Variants in COL5A1 observed in about 807,000 individuals in gnomAD.
COL5A1 encodes collagen alpha-1(V) chain.
A neutral mutation model predicts 263.7 loss-of-function variants in COL5A1; 16 were observed. That is an observed-to-expected ratio of 0.06 (90% CI 0.04 to 0.09). The LOEUF (loss-of-function observed/expected upper bound fraction) is 0.09, where lower values mean the gene tolerates loss of function less well. Ranked by LOEUF, COL5A1 falls within the 10% of genes least tolerant of loss-of-function variation. The pLI is 1.00. For missense variants in COL5A1, 2,036 were observed against 2,540.5 expected, an observed-to-expected ratio of 0.80 and a Z score of 4.27; for synonymous variants, 1,012 against 1,004.5, an observed-to-expected ratio of 1.01 and a Z score of -0.14.
chr9:134,760,528 CCA>C (rs748693467), intron 18 of COL5A1, among the ~76,000 whole-genome samples: 1 of 131,112 alleles, frequency 7.6e-6, no homozygotes. Flanking sequence ...CCACACACCC[CCA>C]CACTCATACA....
At chr9:134,658,346 T>G (rs1467882616) in intron 1 of COL5A1, among the ~76,000 whole-genome samples, 1 of 152,180 alleles carries the variant, frequency 6.6e-6, no homozygotes, top group Non-Finnish European at 1.5e-5. Context: ...AGCTCCGAAG[T>G]GCAGACACCC....
At chr9:134,753,105 G>A (rs189961049) in intron 14 of COL5A1, among the ~76,000 whole-genome samples, 47 of 132,934 alleles carry the variant, frequency 3.5e-4, no homozygotes, top group African/African-American at 7.7e-4. Context: ...GAAGTCCCTC[G>A]CACAGGCTGT....
At position 134,821,082 on chromosome 9, in the gene COL5A1, G is replaced by A. The variant is rs1331128157; in HGVS notation, c.4554+859G>A. On this transcript the variant is annotated intron_variant, in intron 58 of 65. Coordinates refer to ENST00000371817, the MANE Select transcript of COL5A1 (RefSeq NM_000093.5). The surrounding 1 kb of genome is among the most constrained non-coding windows in gnomAD (Gnocchi z 4.2). ...ATTGCAAACCCTACCTCACTGGCCA[G>A]TGTCCTCCATGCCATTGACTGTTTT... Among the ~76,000 whole-genome samples the A allele has an allele frequency of 6.6e-6, 1 of 152,168 alleles. No individual in the cohort carries two copies. The highest frequency in any genetic ancestry group is 2.4e-5 in the African/African-American group (1 of 41,444).
rs1009531318 is a variant in COL5A1, at chr9:134,742,256, G to C, written c.1494+3448G>C. Among the ~76,000 whole-genome samples, 3 of 150,256 alleles carry C rather than the reference G, an allele frequency of 2.0e-5. No homozygotes were observed. Among genetic ancestry groups the C allele is most frequent in the Non-Finnish European group, 4.4e-5 (3 of 67,478 alleles). On this transcript the variant is annotated intron_variant, in intron 11 of 65. Coordinates refer to ENST00000371817, the MANE Select transcript of COL5A1 (RefSeq NM_000093.5). The surrounding 1 kb of genome is among the most constrained non-coding windows in gnomAD (Gnocchi z 4.6). ...TGCCCACGGCTGCCCGCAGGGAGCAGAGTGCAAGGAGAGGCACAGAAGTGG... is the reference window on the plus strand; with the variant it reads ...TGCCCACGGCTGCCCGCAGGGAGCACAGTGCAAGGAGAGGCACAGAAGTGG...
intron 63 of COL5A1, among the ~76,000 whole-genome samples, chr9:134,827,153 C>T (rs546503403): frequency 3.4e-4 from 52 of 152,228 alleles, no homozygotes; most frequent in Non-Finnish European, 6.0e-4. Context: ...CCCCTGCAGC[C>T]TCTGCTTCCT....
chr9:134,814,084 G>A, intron 49 of COL5A1, 48 bp downstream of exon 49: 3 of 1,535,852 alleles, frequency 2.0e-6, no homozygotes, highest in Non-Finnish European at 2.6e-6. Context: ...CCGAGCGGGT[G>A]TGTGGACGGG....
chr9:134,699,940 A>G lies in COL5A1; in HGVS notation c.309A>G (p.Leu103=), dbSNP rs1298546896. The part of the protein sequence containing the change: ...ASAFPEDFSI[L]TTVKAKKGSQ... ...CATTTCCCGAGGACTTCTCCATCCT[A>G]ACAACTGTGAAAGCCAAGAAAGGCA... The change falls in exon 3 of 66, where the codon CTA becomes CTG. Residue 103 remains leucine, a synonymous_variant. Transcript: ENST00000371817. The G allele has an allele frequency of 6.2e-7, 1 of 1,613,950 alleles. No homozygotes were observed. The highest frequency in any genetic ancestry group is 1.3e-5 in the African/African-American group (1 of 75,044).
intron 31 of COL5A1, 98 bp downstream of exon 31, chr9:134,786,146 G>A (rs1837451256): frequency 3.5e-6 from 4 of 1,145,494 alleles, no homozygotes; most frequent in East Asian, 2.6e-5. Flanking sequence ...TCCCGGCACA[G>A]GTGGAAGGAT....
rs1838644220 is a variant in COL5A1, at chr9:134,814,036, G to C, written c.3906G>C (p.Pro1302=). ...EPGLPGEGGP[P]GPKGERGEKG... Reference sequence around the variant, plus strand: ...GCCTTCCGGGAGAAGGCGGCCCCCCGGTGAGTGAGCGGGCGCTGCGGGAGG... The same window carrying C: ...GCCTTCCGGGAGAAGGCGGCCCCCCCGTGAGTGAGCGGGCGCTGCGGGAGG... Residue 1302 remains proline, a splice_region_variant and synonymous_variant, in exon 49 of 66, where the codon CCG becomes CCC. Coordinates refer to ENST00000371817, the MANE Select transcript of COL5A1 (RefSeq NM_000093.5). 6.4e-7 allele frequency: 1 copy of C among 1,550,742 alleles called. No individual in the cohort carries two copies. The highest frequency in any genetic ancestry group is 2.4e-5 in the East Asian group (1 of 40,926).
intron 36 of COL5A1, among the ~76,000 whole-genome samples, chr9:134,797,219 G>C (rs1204163784): frequency 6.6e-6 from 1 of 152,242 alleles, no homozygotes; most frequent in East Asian, 1.9e-4. Context: ...CCCTGGGGCC[G>C]CCATCACAAA....
intron 4 of COL5A1, chr9:134,708,600 T>C: frequency 1.9e-6 from 1 of 518,848 alleles, no homozygotes; most frequent in South Asian, 1.4e-5. Flanking sequence ...ACCCTGGCAG[T>C]GCTGAGGCAG....
intron 9 of COL5A1, 64 bp downstream of exon 9, chr9:134,732,191 T>C: frequency 6.4e-7 from 1 of 1,569,804 alleles, no homozygotes; most frequent in South Asian, 1.1e-5. Context: ...CACAGCGGGG[T>C]GTGTAGGGTG....
intron 9 of COL5A1, among the ~76,000 whole-genome samples, chr9:134,736,658 C>T (rs1293970773): frequency 6.6e-6 from 1 of 152,208 alleles, no homozygotes; most frequent in East Asian, 1.9e-4. Flanking sequence ...ATCCGGTACC[C>T]ACATCATCTC....
intron 53 of COL5A1, 32 bp downstream of exon 53, chr9:134,817,111 C>T: frequency 6.3e-7 from 1 of 1,599,020 alleles, no homozygotes; most frequent in Non-Finnish European, 8.6e-7. Flanking sequence ...TCCTTGCTGT[C>T]AAATCCCTGC....
At chr9:134,756,743 G>C (rs560329789) in intron 16 of COL5A1, 22 bp from the exon 17 acceptor site, 5 of 1,613,728 alleles carry the variant, frequency 3.1e-6, no homozygotes, top group East Asian at 2.2e-5. Flanking sequence ...TTGCATTGAC[G>C]GTTTTGCCTC....
Position 134,780,376 on chromosome 9 carries a change from C to G in COL5A1, c.2430+230C>G, listed in dbSNP as rs1837207655. 6.6e-6 allele frequency among the ~76,000 whole-genome samples: 1 copy of G among 152,194 alleles called. No individual in the cohort carries two copies. Among genetic ancestry groups the G allele is most frequent in the Non-Finnish European group, 1.5e-5 (1 of 68,028 alleles). ...CCCAGGGGCACATCTCCTAGCAGAGCTGAGTGGGTCCAGGGTTTGTGTCTC... is the reference window on the plus strand; with the variant it reads ...CCCAGGGGCACATCTCCTAGCAGAGGTGAGTGGGTCCAGGGTTTGTGTCTC... On this transcript the variant is annotated intron_variant, in intron 28 of 65. Transcript: ENST00000371817.
At chr9:134,662,004 C>T (rs965518343) in intron 1 of COL5A1, among the ~76,000 whole-genome samples, 5 of 152,158 alleles carry the variant, frequency 3.3e-5, no homozygotes, top group African/African-American at 1.2e-4. Flanking sequence ...CACGCAGAGG[C>T]GGGAACCTGA....
intron 62 of COL5A1, 23 bp from the exon 63 acceptor site, chr9:134,825,765 GCCTC>G: frequency 6.7e-7 from 1 of 1,493,806 alleles, no homozygotes; most frequent in Non-Finnish European, 9.3e-7. Context: ...GACTCTGCCT[GCCTC>G]CCTCCCCGTC....
At chr9:134,816,511 C>A (rs1838751160) in intron 52 of COL5A1, among the ~76,000 whole-genome samples, 1 of 152,258 alleles carries the variant, frequency 6.6e-6, no homozygotes, top group Admixed American at 6.5e-5. Context: ...ATGCCCTTGC[C>A]CCACCTTGCA....
Sources: allele counts gnomAD v4.1 joint callset (sites outside exome capture counted in the v4.1 genomes callset), GRCh38; gene constraint gnomAD v4.1.1; non-coding constraint Gnocchi (gnomAD v3.1); transcripts MANE v1.5; gene names NCBI Gene and HGNC (gene_info 2026-07-23, HGNC 2026-07-21).